The following ARHGEF1 variants were observed in gnomAD, a reference collection of about 807,000 sequenced individuals.
ARHGEF1 encodes Rho guanine nucleotide exchange factor 1, also known as 115 kDa guanine nucleotide exchange factor.
In ARHGEF1, 40 loss-of-function variants were observed where a neutral mutation model predicts 119.7. The ratio of observed to expected loss-of-function variants is 0.33; its 90% CI spans 0.26 to 0.44. ARHGEF1 has a LOEUF of 0.44. Among genes scored for constraint, ARHGEF1 ranks in the 20% least tolerant of loss-of-function variants. The pLI is 1.00. For missense variants in ARHGEF1, 976 were observed against 1,268.3 expected (o/e 0.77, Z 3.50); for synonymous variants, 494 against 521.0 (o/e 0.95, Z 0.71).
At chr19:41,897,272 T>G in intron 13 of ARHGEF1, 1 of 1,281,200 alleles carries the variant, frequency 7.8e-7, no homozygotes, top group Non-Finnish European at 1.0e-6. Context: ...TGGGTCAGGT[T>G]CCATCTGGGC....
intron 18 of ARHGEF1, among the ~76,000 whole-genome samples, chr19:41,915,946 C>T (rs1364861393): frequency 2.0e-5 from 3 of 152,126 alleles, no homozygotes; most frequent in East Asian, 1.9e-4. Flanking sequence ...CCCTCCCCCC[C>T]GCCGGCCGGC....
At position 41,917,817 on chromosome 19, in the gene ARHGEF1, C is replaced by T. The variant is rs1488773286; in HGVS notation, c.1866-5275C>T. Among the ~76,000 whole-genome samples the T allele has an allele frequency of 1.3e-5, 2 of 151,870 alleles. No individual in the cohort carries two copies. Among genetic ancestry groups the T allele is most frequent in the African/African-American group, 4.8e-5 (2 of 41,278 alleles). ...TAGGCACACACACACCATGCACAGC[C>T]CCAGCCATGGGACGGCTGCCAGCCC... On this transcript the variant is annotated intron_variant, in intron 18 of 20. Coordinates refer to the ARHGEF1 transcript ENST00000599589. The surrounding 1 kb of genome is among the most constrained non-coding windows in gnomAD (Gnocchi z 4.8).
Position 41,903,432 on chromosome 19 carries a change from C to T in ARHGEF1, c.1839+25C>T, listed in dbSNP as rs375924333. 2.4e-5 allele frequency: 39 copies of T among 1,605,422 alleles called. No homozygotes were observed. The Middle Eastern group carries it at 1.2e-3, about 48-fold the overall frequency. ...GGTGAGCCTGGGCTGGCCCCACACCCGGGACAGTGGATGGTGTGAGAGCAG... is the reference window on the plus strand; with the variant it reads ...GGTGAGCCTGGGCTGGCCCCACACCTGGGACAGTGGATGGTGTGAGAGCAG... On this transcript the variant is annotated intron_variant, in intron 19 of 28. Transcript: ENST00000354532. This position sits in a 1 kb window ranked among gnomAD's most constrained non-coding sequence, Gnocchi z 4.2.
intron 13 of ARHGEF1, chr19:41,897,314 G>C (rs1555848040): frequency 7.9e-7 from 1 of 1,273,150 alleles, no homozygotes; most frequent in Admixed American, 2.3e-5. Flanking sequence ...TCTCTCCCCA[G>C]AAGGTGGAAG....
At position 41,903,893 on chromosome 19, in the gene ARHGEF1, G is replaced by C. The variant is rs891042259; in HGVS notation, c.1917+109G>C. ...CCATCCCATAATACACCCAGGAAGCGAGAGCTCTGTCCCCCACCTCATGCC... is the reference window on the plus strand; with the variant it reads ...CCATCCCATAATACACCCAGGAAGCCAGAGCTCTGTCCCCCACCTCATGCC... On this transcript the variant is annotated intron_variant, in intron 20 of 28. Transcript: ENST00000354532. The surrounding 1 kb of genome is among the most constrained non-coding windows in gnomAD (Gnocchi z 4.2). 1.7e-5 allele frequency: 24 copies of C among 1,378,618 alleles called. No individual in the cohort carries two copies. Among genetic ancestry groups the C allele is most frequent in the Admixed American group, 1.3e-4 (7 of 54,536 alleles). The allele number at this position is 1,378,618 out of a possible 1,614,324, so 85.4% of individuals were successfully genotyped here. A position where few individuals can be genotyped will look rare whatever the true frequency, so the allele number is the denominator to read the frequency against.
intron 1 of ARHGEF1, among the ~76,000 whole-genome samples, chr19:41,886,086 G>C (rs1227217664): frequency 3.9e-5 from 6 of 152,092 alleles, no homozygotes; most frequent in African/African-American, 1.4e-4. Flanking sequence ...TAGCCCAACT[G>C]CCCAGGTCTG....
rs1265757382 is a variant in ARHGEF1 at position 41,916,987 on chromosome 19, T to C, written c.1866-6105T>C. On this transcript the variant is annotated intron_variant, in intron 18 of 20. Transcript: ENST00000599589. This position sits in a 1 kb window ranked among gnomAD's most constrained non-coding sequence, Gnocchi z 5.4. ...TCTGCCTGTCCCTCCATCTGTGAAC[T>C]TCCCAAGCATGTCTCTGCATGGGTG... Among the ~76,000 whole-genome samples the C allele has an allele frequency of 1.3e-5, 2 of 150,884 alleles. No homozygotes were observed. The highest frequency in any genetic ancestry group is 2.9e-5 in the Non-Finnish European group (2 of 68,000).
rs1555848417 is a variant in ARHGEF1, at chr19:41,898,525, T to TC, written c.1211dup (p.Asp405ArgfsTer97). 6.4e-7 allele frequency: 1 copy of TC among 1,563,162 alleles called. No individual in the cohort carries two copies. Among genetic ancestry groups the TC allele is most frequent in the East Asian group, 2.4e-5 (1 of 41,764 alleles). Reference sequence around the variant, plus strand: ...GAGCCTCCCGGCTGGCGGGAACTCGTCCCCCCAGACACCCTGCACAGCCTG... The same window carrying TC: ...GAGCCTCCCGGCTGGCGGGAACTCGTCCCCCCCAGACACCCTGCACAGCCTG... On this transcript the variant is annotated frameshift_variant, in exon 14 of 29. Transcript: ENST00000354532. LOFTEE classifies it high-confidence loss of function.
chr19:41,904,929 A>G lies in ARHGEF1; in HGVS notation c.2162-20A>G. The G allele has an allele frequency of 1.2e-6, 2 of 1,600,720 alleles. No homozygotes were observed. Among genetic ancestry groups the G allele is most frequent in the South Asian group, 2.2e-5 (2 of 90,816 alleles). On this transcript the variant is annotated intron_variant, in intron 22 of 28. Coordinates refer to ENST00000354532, the MANE Select transcript of ARHGEF1 (RefSeq NM_004706.4). The surrounding 1 kb of genome is among the most constrained non-coding windows in gnomAD (Gnocchi z 8.4). ...TGGGGGGACCTGGGCTCTGAGCCCC[A>G]TCTCCCCCTCTCCCTGCAGATCACA...
chr19:41,897,975 G>C, intron 13 of ARHGEF1: 1 of 1,322,152 alleles, frequency 7.6e-7, no homozygotes, highest in Non-Finnish European at 9.6e-7. Flanking sequence ...CGCTCAGAGA[G>C]CCTGCGGGTG....
chr19:41,926,764 GCTTGTCTCTTAATCT>G (rs1391741163), intron 1 of ARHGEF1, among the ~76,000 whole-genome samples: 1 of 152,192 alleles, frequency 6.6e-6, no homozygotes, highest in East Asian at 1.9e-4. Context: ...TCCGCGCGCC[GCTTGTCTCTTAATCT>G]CCAGAGCGAC....
intron 14 of ARHGEF1, 48 bp from the exon 15 acceptor site, chr19:41,901,839 C>T: frequency 6.3e-7 from 1 of 1,590,756 alleles, no homozygotes; most frequent in Non-Finnish European, 8.5e-7. Context: ...GTCATGCCCC[C>T]TAGTCTGCAC....
chr19:41,900,958 T>C (rs1356377971), intron 14 of ARHGEF1: 1 of 151,400 alleles, frequency 6.6e-6, no homozygotes, highest in Non-Finnish European at 1.5e-5. Context: ...TCCTGGCTAA[T>C]TTTTGTATTT....
At position 41,907,385 on chromosome 19, in the gene ARHGEF1, A is replaced by G; in HGVS notation, c.*298A>G. 6.5e-7 allele frequency: 1 copy of G among 1,535,314 alleles called. No individual in the cohort carries two copies. The highest frequency in any genetic ancestry group is 8.7e-7 in the Non-Finnish European group (1 of 1,146,612). On this transcript the variant is annotated 3_prime_UTR_variant, in exon 29 of 29. Coordinates refer to ENST00000354532, the MANE Select transcript of ARHGEF1 (RefSeq NM_004706.4). ...GGCCACCCCTCCACCCCCACCCCCA[A>G]GTGCCTTCGCTCTGTTTTTATACCC...
chr19:41,909,363 C>T (rs1362895511), downstream of ARHGEF1: 10 of 1,235,846 alleles, frequency 8.1e-6, no homozygotes, highest in African/African-American at 1.6e-5. The surrounding 1 kb of genome is among the most constrained non-coding windows in gnomAD (Gnocchi z 5.2). Context: ...TGGCAGCTGC[C>T]GCCATGTCCA....
At chr19:41,912,706 G>GTTTGATTTGGGGGA in intron 18 of ARHGEF1, 1 of 399,468 alleles carries the variant, frequency 2.5e-6, no homozygotes, top group South Asian at 1.4e-4. Flanking sequence ...CTCAGAAGGG[G>GTTTGATTTGGGGGA]TTTGATTTGG....
chr19:41,908,218 C>G, downstream of ARHGEF1: 3 of 1,231,790 alleles, frequency 2.4e-6, no homozygotes, highest in Non-Finnish European at 3.0e-6. The surrounding 1 kb of genome is among the most constrained non-coding windows in gnomAD (Gnocchi z 6.7). Context: ...ATCCATTGCC[C>G]CCTGCCGGCT....
downstream of ARHGEF1, among the ~76,000 whole-genome samples, chr19:41,911,057 T>C (rs1420579073): frequency 6.6e-6 from 1 of 151,936 alleles, no homozygotes; most frequent in Non-Finnish European, 1.5e-5. Flanking sequence ...CACCAAGATA[T>C]CCATGTCCCC....
At chr19:41,927,780 C>T (rs1415569770) in intron 1 of ARHGEF1, among the ~76,000 whole-genome samples, 6 of 152,158 alleles carry the variant, frequency 3.9e-5, no homozygotes, top group African/African-American at 1.4e-4. Context: ...CTCTCACTCG[C>T]TCTCCCTCCC....
Sources: gnomAD v4.1 joint callset for allele counts (sites outside exome capture counted in the v4.1 genomes callset) on GRCh38, gnomAD v4.1.1 for gene constraint, Gnocchi (gnomAD v3.1) non-coding constraint, MANE v1.5 for transcripts, NCBI Gene and HGNC (gene_info 2026-07-23, HGNC 2026-07-21) for gene names.